DCDC2C: variants seen among roughly 807,000 people sequenced by gnomAD.
The protein encoded by DCDC2C is doublecortin domain containing 2C.
DCDC2C carries 44 observed loss-of-function variants against 45.0 expected under a neutral mutation model. That is an observed-to-expected ratio of 0.98 (90% CI 0.77 to 1.26). DCDC2C has a LOEUF of 1.26. Among genes scored for constraint, DCDC2C ranks in the 50% most tolerant of loss-of-function variants. The pLI, the probability that DCDC2C is intolerant of heterozygous loss-of-function variation, is 0.00. For missense variants in DCDC2C, 447 were observed against 468.9 expected, an observed-to-expected ratio of 0.95 and a Z score of 0.43; for synonymous variants, 187 against 178.8, an observed-to-expected ratio of 1.05 and a Z score of -0.37.
chr2:3,759,874 A>C (rs1178331176), intron 6 of DCDC2C, among the ~76,000 whole-genome samples: 2 of 152,252 alleles, frequency 1.3e-5, no homozygotes, highest in Admixed American at 1.3e-4. Context: ...TCTGTGAAGT[A>C]GGTGACATCT....
rs1168786322 is a variant in DCDC2C at position 3,725,637 on chromosome 2, TG to T, written c.340-1364del. On this transcript the variant is annotated intron_variant, in intron 2 of 10. Transcript: ENST00000399143. ...AGGGAGACCGCCAGAGTGACGAGGA[TG>T]GCCAGGTGGATCCCGGAGGGAGATG... Among the ~76,000 whole-genome samples the T allele has an allele frequency of 1.1e-4, 14 of 125,842 alleles. 1 individual carries two copies. Among genetic ancestry groups the T allele is most frequent in the African/African-American group, 1.9e-4 (6 of 32,214 alleles). 82.6% of individuals were successfully genotyped at this position (125,842 alleles called of 152,430 possible).
At chr2:3,791,365 G>A (rs901368487) in intron 10 of DCDC2C, among the ~76,000 whole-genome samples, 10 of 151,714 alleles carry the variant, frequency 6.6e-5, no homozygotes, top group Admixed American at 3.3e-4. Flanking sequence ...TTGCATTAGC[G>A]TTTTATAAGA....
At chr2:3,826,009 T>C (rs2148228899) in intron 10 of DCDC2C, among the ~76,000 whole-genome samples, 1 of 152,290 alleles carries the variant, frequency 6.6e-6, no homozygotes, top group East Asian at 1.9e-4. Flanking sequence ...GGAAAACAAT[T>C]CACGAGGGTC....
intron 4 of DCDC2C, among the ~76,000 whole-genome samples, chr2:3,748,578 A>G (rs1475551723): frequency 6.6e-6 from 1 of 152,070 alleles, no homozygotes; most frequent in East Asian, 1.9e-4. Context: ...TCAGAGTGGG[A>G]TGCGCCAGGC....
chr2:3,721,584 C>T (rs907846486), intron 2 of DCDC2C, among the ~76,000 whole-genome samples: 7 of 152,130 alleles, frequency 4.6e-5, no homozygotes, highest in African/African-American at 1.7e-4. Flanking sequence ...ACAATAATTG[C>T]TGTTTGATAT....
chr2:3,727,681 C>T (rs2148076468), intron 3 of DCDC2C, among the ~76,000 whole-genome samples: 1 of 152,330 alleles, frequency 6.6e-6, no homozygotes, highest in East Asian at 1.9e-4. Flanking sequence ...TGTGCATCCA[C>T]CTGCATTATG....
At chr2:3,707,584 T>C (rs2148039417) in intron 1 of DCDC2C, among the ~76,000 whole-genome samples, 1 of 152,226 alleles carries the variant, frequency 6.6e-6, no homozygotes, top group East Asian at 1.9e-4. Flanking sequence ...ATATGAACTT[T>C]TGGTCTCCCT....
intron 1 of DCDC2C, among the ~76,000 whole-genome samples, chr2:3,707,769 G>C (rs1335607256): frequency 6.6e-6 from 1 of 152,152 alleles, no homozygotes; most frequent in Non-Finnish European, 1.5e-5. Flanking sequence ...TACTTGACCA[G>C]TTTCTGTGGG....
chr2:3,776,462 G>A (rs1271796650), intron 8 of DCDC2C, among the ~76,000 whole-genome samples: 1 of 152,166 alleles, frequency 6.6e-6, no homozygotes, highest in Non-Finnish European at 1.5e-5. Context: ...CTCGTCACAC[G>A]GGACCTTCAC....
chr2:3,734,035 G>C lies in DCDC2C; in HGVS notation c.416+6956G>C, dbSNP rs1226273431. Among the ~76,000 whole-genome samples, 1 of 152,204 alleles carries C rather than the reference G, an allele frequency of 6.6e-6. No homozygotes were observed. The highest frequency in any genetic ancestry group is 1.5e-5 in the Non-Finnish European group (1 of 68,044). On this transcript the variant is annotated intron_variant, in intron 3 of 10. Coordinates refer to ENST00000399143, the MANE Select transcript of DCDC2C (RefSeq NM_001287444.2). This position sits in a 1 kb window ranked among gnomAD's most constrained non-coding sequence, Gnocchi z 4.2. The stretch of plus-strand genomic sequence containing the variant: ...ATGCCGTATCCCTCAGTTTTAATAA[G>C]AGCAGTTTGCTGGGGTAGTAACAGT...
intron 3 of DCDC2C, among the ~76,000 whole-genome samples, chr2:3,740,952 A>G (rs1669187845): frequency 6.6e-6 from 1 of 152,210 alleles, no homozygotes; most frequent in African/African-American, 2.4e-5. Flanking sequence ...GAGCTTATAT[A>G]TTGTTAAAGG....
chr2:3,706,014 C>T (rs1050014582), intron 1 of DCDC2C, among the ~76,000 whole-genome samples: 6 of 152,096 alleles, frequency 3.9e-5, no homozygotes, highest in African/African-American at 9.7e-5. Context: ...GGTTCCTTTT[C>T]TTCAGTTTTT....
intron 2 of DCDC2C, among the ~76,000 whole-genome samples, chr2:3,722,346 G>A (rs1668525029): frequency 6.6e-6 from 1 of 152,242 alleles, no homozygotes; most frequent in South Asian, 2.1e-4. Flanking sequence ...ATAGCTGTAT[G>A]TTGTTGGGAA....
At position 3,734,121 on chromosome 2, in the gene DCDC2C, C is replaced by T. The variant is rs1009646469; in HGVS notation, c.416+7042C>T. Among the ~76,000 whole-genome samples, 3 of 152,198 alleles carry T rather than the reference C, an allele frequency of 2.0e-5. No individual in the cohort carries two copies. The highest frequency in any genetic ancestry group is 4.8e-5 in the African/African-American group (2 of 41,450). On this transcript the variant is annotated intron_variant, in intron 3 of 10. Coordinates refer to ENST00000399143, the MANE Select transcript of DCDC2C (RefSeq NM_001287444.2). This position sits in a 1 kb window ranked among gnomAD's most constrained non-coding sequence, Gnocchi z 4.2. ...GCTGCTGTCGTAAATCCCCCATTTC[C>T]GTGGCACACCAACATCACGTACTGC...
intron 10 of DCDC2C, among the ~76,000 whole-genome samples, chr2:3,812,534 C>A (rs1186407868): frequency 6.6e-6 from 1 of 152,056 alleles, no homozygotes; most frequent in Non-Finnish European, 1.5e-5. Flanking sequence ...AAAACCGGCT[C>A]CTGGATTCAT....
At chr2:3,736,673 G>GT (rs917604950) in intron 3 of DCDC2C, among the ~76,000 whole-genome samples, 1 of 152,132 alleles carries the variant, frequency 6.6e-6, no homozygotes, top group Non-Finnish European at 1.5e-5. Flanking sequence ...AATGTTTCAG[G>GT]TTTTTTCCTG....
intron 10 of DCDC2C, among the ~76,000 whole-genome samples, chr2:3,813,117 G>A (rs573185504): frequency 2.9e-4 from 42 of 146,988 alleles, no homozygotes; most frequent in African/African-American, 9.9e-4. Flanking sequence ...TGTCTCCCAG[G>A]CTGGAGTGCA....
At chr2:3,754,718 C>T (rs755256900) in intron 6 of DCDC2C, 84 bp downstream of exon 6, 185 of 1,227,628 alleles carry the variant, frequency 1.5e-4, no homozygotes, top group African/African-American at 3.6e-4. Flanking sequence ...CGCAGGGTGA[C>T]GGCCCGAGCT....
At chr2:3,709,995 C>T (rs544574542) in intron 2 of DCDC2C, among the ~76,000 whole-genome samples, 1 of 152,106 alleles carries the variant, frequency 6.6e-6, no homozygotes, top group South Asian at 2.1e-4. Context: ...GGTTGCTGGG[C>T]ACTCACTCTA....
Sources: gnomAD v4.1 joint callset for allele counts (sites outside exome capture counted in the v4.1 genomes callset) on GRCh38, gnomAD v4.1.1 for gene constraint, Gnocchi (gnomAD v3.1) non-coding constraint, MANE v1.5 for transcripts, NCBI Gene and HGNC (gene_info 2026-07-23, HGNC 2026-07-21) for gene names.